The following BDP1 variants were observed in gnomAD, a reference collection of about 807,000 sequenced individuals.
The protein encoded by BDP1 is transcription factor TFIIIB component B'' homolog.
In BDP1, 169 loss-of-function variants were observed where a neutral mutation model predicts 266.6. That is an observed-to-expected ratio of 0.63 (90% CI 0.56 to 0.72). The LOEUF (loss-of-function observed/expected upper bound fraction) is 0.72, where lower values mean the gene tolerates loss of function less well. Ranked by LOEUF, BDP1 falls within the 30% of genes least tolerant of loss-of-function variation. The pLI, the probability that BDP1 is intolerant of heterozygous loss-of-function variation, is 0.00. For synonymous variants in BDP1, 1,090 were observed against 1,022.4 expected, an observed-to-expected ratio of 1.07 and a Z score of -1.26; for missense variants, 3,015 against 3,053.8, an observed-to-expected ratio of 0.99 and a Z score of 0.30.
At chr5:71,517,787 G>C (rs898581826) in intron 22 of BDP1, among the ~76,000 whole-genome samples, 7 of 152,128 alleles carry the variant, frequency 4.6e-5, no homozygotes, top group African/African-American at 1.7e-4. Flanking sequence ...ATTTAGGCCA[G>C]GCGCAGTGGT....
At chr5:71,503,280 C>A (rs1467834676) in intron 15 of BDP1, among the ~76,000 whole-genome samples, 2 of 152,128 alleles carry the variant, frequency 1.3e-5, no homozygotes, top group African/African-American at 4.8e-5. Flanking sequence ...AGCCACTGTG[C>A]CCAACCCCTT....
chr5:71,507,799 A>G (rs1764664403), intron 16 of BDP1, among the ~76,000 whole-genome samples: 2 of 152,266 alleles, frequency 1.3e-5, no homozygotes, highest in Non-Finnish European at 2.9e-5. Context: ...AATGATGGAT[A>G]TAAACACTTC....
At chr5:71,497,479 T>C in intron 13 of BDP1, 53 bp downstream of exon 13, 1 of 1,419,964 alleles carries the variant, frequency 7.0e-7, no homozygotes, top group Non-Finnish European at 9.6e-7. Flanking sequence ...TTTCTTTAGA[T>C]AGTTGGGAAT....
At position 71,564,939 on chromosome 5, in the gene BDP1, A is replaced by G. The variant is rs1425248043; in HGVS notation, c.*54A>G. 2.0e-6 allele frequency: 3 copies of G among 1,497,630 alleles called. No homozygotes were observed. The highest frequency in any genetic ancestry group is 1.4e-5 in the African/African-American group (1 of 70,914). The allele number at this position is 1,497,630 out of a possible 1,614,324, so 92.8% of individuals were successfully genotyped here. On this transcript the variant is annotated 3_prime_UTR_variant, in exon 39 of 39. Coordinates refer to ENST00000358731, the MANE Select transcript of BDP1 (RefSeq NM_018429.3). ...ATTAGGTCTAGGATTTCCAGAGTCAATTACATCAACAAAACAGTATTTAGA... is the reference window on the plus strand; with the variant it reads ...ATTAGGTCTAGGATTTCCAGAGTCAGTTACATCAACAAAACAGTATTTAGA...
rs1159603382 is a variant in BDP1 at position 71,553,206 on chromosome 5, G to C, written c.7086G>C (p.Leu2362Phe). The change falls in exon 35 of 39, where the codon TTG (leucine) becomes TTC (phenylalanine). Residue 2362 changes from leucine (L) to phenylalanine (F), a missense_variant. Leu to Phe is a conservative substitution (Grantham distance 22, BLOSUM62 0). This residue lies in a region of BDP1 where 629 missense variants were observed against 632.5 expected (regional missense o/e 0.99). Transcript: ENST00000358731. ...RDNSKKPPDNLDLVSRKRFQC... is the reference protein window; with the variant it reads ...RDNSKKPPDNFDLVSRKRFQC... ...ATTCTAAAAAGCCGCCTGATAATTT[G>C]GATCTTGTATCTAGGAAGAGATTTC... 6.2e-7 allele frequency: 1 copy of C among 1,613,272 alleles called. No individual in the cohort carries two copies. Among genetic ancestry groups the C allele is most frequent in the Middle Eastern group, 1.8e-4 (1 of 5,710 alleles).
chr5:71,525,496 A>C (rs1401664555), intron 25 of BDP1, among the ~76,000 whole-genome samples: 47 of 61,894 alleles, frequency 7.6e-4, no homozygotes, highest in Admixed American at 1.4e-3. Context: ...GGGGGCTGAC[A>C]CCCCTACCTC....
rs550805438 is a variant in BDP1, at chr5:71,502,698, T to A, written c.2148T>A (p.Gly716=). 857 of 1,613,912 alleles carry A rather than the reference T, an allele frequency of 5.3e-4. 7 individuals are homozygous for A. The South Asian group carries it at 9.0e-3, about 17-fold the overall frequency. ...TGCAAAAGCCAAAGCCAAATGCAGG[T>A]AAAGCTGCTGAAAGAAAAGAAATTC... ...GRLQKPKPNA[G]KAAERKEILI... is the part of the protein sequence containing the mutation. Residue 716 remains glycine (G), a synonymous_variant, in exon 15 of 39, where the codon GGT becomes GGA. Coordinates refer to ENST00000358731, the MANE Select transcript of BDP1 (RefSeq NM_018429.3).
intron 15 of BDP1, among the ~76,000 whole-genome samples, chr5:71,504,409 A>G (rs1184432842): frequency 6.6e-6 from 1 of 152,126 alleles, no homozygotes; most frequent in East Asian, 1.9e-4. Context: ...TTTGATTGGG[A>G]GGAAAAGAAT....
At chr5:71,517,106 A>C (rs1468385506) in intron 21 of BDP1, among the ~76,000 whole-genome samples, 1 of 152,222 alleles carries the variant, frequency 6.6e-6, no homozygotes, top group Non-Finnish European at 1.5e-5. Context: ...ATCTGCCTGT[A>C]ATCCCAGTTA....
At chr5:71,471,177 C>A (rs1762225880) in intron 7 of BDP1, among the ~76,000 whole-genome samples, 1 of 120,722 alleles carries the variant, frequency 8.3e-6, no homozygotes, top group East Asian at 2.8e-4. Flanking sequence ...GAGTCTCGCT[C>A]TGTTGCCCAG....
In BDP1 at chr5:71,512,294, A is replaced by G; in HGVS notation, c.4113A>G (p.Arg1371=). 3 of 1,592,824 alleles carry G rather than the reference A, an allele frequency of 1.9e-6. No homozygotes were observed. The highest frequency in any genetic ancestry group is 2.6e-6 in the Non-Finnish European group (3 of 1,174,074). ...TGCATACACCTGTAGAAGAAAAAAG[A>G]AATTCTGAAAAAGAAGTATCAAGTC... The part of the protein sequence containing the change: ...SMMHTPVEEK[R]NSEKEVSSHF... The change falls in exon 18 of 39, where the codon AGA becomes AGG. Residue 1371 remains arginine (R), a synonymous_variant. Coordinates refer to ENST00000358731, the MANE Select transcript of BDP1 (RefSeq NM_018429.3).
chr5:71,455,994 T>C lies in BDP1; in HGVS notation c.117T>C (p.Pro39=). 6.2e-7 allele frequency: 1 copy of C among 1,613,544 alleles called. No individual in the cohort carries two copies. Among genetic ancestry groups the C allele is most frequent in the South Asian group, 1.1e-5 (1 of 91,072 alleles). The change falls in exon 1 of 39, where the codon CCT becomes CCC. Residue 39 remains proline, a synonymous_variant. Coordinates refer to ENST00000358731, the MANE Select transcript of BDP1 (RefSeq NM_018429.3). ...RGRESPRPPD[P]ATDSASKPAE... ...GGGAGTCTCCCAGGCCGCCGGATCC[T>C]GCCACGGACTCTGCTTCCAAGCCCG...
intron 12 of BDP1, among the ~76,000 whole-genome samples, chr5:71,496,861 G>A (rs571603461): frequency 6.6e-6 from 1 of 152,310 alleles, no homozygotes; most frequent in African/African-American, 2.4e-5. Flanking sequence ...GGGATTATAG[G>A]CGTGAGCCAC....
At chr5:71,497,036 T>A (rs1290093228) in intron 12 of BDP1, among the ~76,000 whole-genome samples, 1 of 152,238 alleles carries the variant, frequency 6.6e-6, no homozygotes, top group African/African-American at 2.4e-5. Flanking sequence ...ATTTTAAATT[T>A]GTTTCATTTA....
At position 71,455,828 on chromosome 5, in the gene BDP1, G is replaced by C. The variant is rs1430041580; in HGVS notation, c.-50G>C. 5.3e-6 allele frequency: 8 copies of C among 1,498,380 alleles called. No individual in the cohort carries two copies. The highest frequency in any genetic ancestry group is 1.2e-5 in the South Asian group (1 of 80,112). The allele number at this position is 1,498,380 out of a possible 1,614,324, so 92.8% of individuals were successfully genotyped here. On this transcript the variant is annotated 5_prime_UTR_variant, in exon 1 of 39. Transcript: ENST00000358731. The stretch of plus-strand genomic sequence containing the variant: ...CCTTTCCGGGCAGCCGCCGGGGCTC[G>C]GGGCTGTGAGCGGCCGTGAGGCTGC...
At chr5:71,509,172 A>G (rs186329042) in intron 16 of BDP1, among the ~76,000 whole-genome samples, 52 of 152,298 alleles carry the variant, frequency 3.4e-4, no homozygotes, top group Admixed American at 1.0e-3. Flanking sequence ...CCCAGTCAGT[A>G]TTTATAAATG....
chr5:71,562,277 T>C lies in BDP1; in HGVS notation c.7500T>C (p.Pro2500=), dbSNP rs1414328180. The C allele has an allele frequency of 6.3e-7, 1 of 1,587,338 alleles. No individual in the cohort carries two copies. The highest frequency in any genetic ancestry group is 8.6e-7 in the Non-Finnish European group (1 of 1,168,170). The change falls in exon 38 of 39, where the codon CCT becomes CCC. Residue 2500 remains proline, a synonymous_variant. Transcript: ENST00000358731. ...TSSSKASLSR[P]GRRPLGFLSL... is the part of the protein sequence containing the mutation. ...ATCGTTACATTTGTATTTCTAGACCTGGCAGAAGACCCCTGGGATTTTTAT... is the reference window on the plus strand; with the variant it reads ...ATCGTTACATTTGTATTTCTAGACCCGGCAGAAGACCCCTGGGATTTTTAT...
At chr5:71,503,567 A>T (rs1764394081) in intron 15 of BDP1, among the ~76,000 whole-genome samples, 1 of 152,218 alleles carries the variant, frequency 6.6e-6, no homozygotes, top group Admixed American at 6.5e-5. Flanking sequence ...GCTCCCTAGT[A>T]AGATACAATT....
At position 71,510,501 on chromosome 5, in the gene BDP1, G is replaced by A. The variant is rs767188313; in HGVS notation, c.3409G>A (p.Ala1137Thr). The A allele has an allele frequency of 3.7e-6, 6 of 1,613,750 alleles. No individual in the cohort carries two copies. The African/African-American group carries it at 8.0e-5, about 22-fold the overall frequency. Residue 1137 changes from alanine to threonine, a missense_variant, in exon 17 of 39, where the codon GCC becomes ACC. Around this residue, in one of 3 missense-constraint regions of BDP1, gnomAD observed 2,383 missense variants for 2,404.9 expected, o/e 0.99. Transcript: ENST00000358731. ...GGAGAAGACACCAGAGGTGATTGAT[G>A]CCACTGAGGAAATAGACAAAGATCT... Reference protein sequence around the residue: ...PREKTPEVIDATEEIDKDLEE... With the variant: ...PREKTPEVIDTTEEIDKDLEE...
Sources: gnomAD v4.1 joint callset for allele counts (sites outside exome capture counted in the v4.1 genomes callset) on GRCh38, gnomAD v4.1.1 for gene constraint, gnomAD v4.1.1 regional missense constraint, MANE v1.5 for transcripts, NCBI Gene and HGNC (gene_info 2026-07-23, HGNC 2026-07-21) for gene names.